The following SPAG16 variants were observed in gnomAD, a reference collection of about 807,000 sequenced individuals.
The protein encoded by SPAG16 is sperm associated antigen 16, also known as sperm-associated antigen 16 protein.
Under a neutral mutation model 80.4 loss-of-function variants are expected in SPAG16, and 86 were observed. The ratio of observed to expected loss-of-function variants is 1.07; its 90% CI spans 0.90 to 1.28. The LOEUF (loss-of-function observed/expected upper bound fraction) is 1.28. Ranked by LOEUF, SPAG16 falls within the 50% of genes most tolerant of loss-of-function variation. The probability of loss-of-function intolerance (pLI) is 0.00; values close to 1 mark genes in which losing one functional copy is unlikely to be tolerated. For missense variants in SPAG16, 870 were observed against 765.3 expected (o/e 1.14, Z -1.61); for synonymous variants, 294 against 265.9 (o/e 1.11, Z -1.03).
At chr2:213,457,879 A>AT (rs142694019) in intron 9 of SPAG16, among the ~76,000 whole-genome samples, 10,501 of 146,424 alleles carry the variant, frequency 0.072, 709 homozygotes, top group African/African-American at 0.18. Flanking sequence ...CTCTTCTTTT[A>AT]TTTTTTTTTT....
chr2:214,151,916 C>T (rs2055991929), intron 15 of SPAG16, among the ~76,000 whole-genome samples: 1 of 152,256 alleles, frequency 6.6e-6, no homozygotes. Flanking sequence ...TTATTAGATA[C>T]TTTAAGTGGC....
At chr2:213,627,232 G>A (rs936219725) in intron 10 of SPAG16, among the ~76,000 whole-genome samples, 2 of 152,154 alleles carry the variant, frequency 1.3e-5, no homozygotes, top group Non-Finnish European at 2.9e-5. Flanking sequence ...GATCCTGCAT[G>A]GCAGAGAGCG....
At position 213,398,428 on chromosome 2, in the gene SPAG16, C is replaced by G. The variant is rs1215807810; in HGVS notation, c.942+23309C>G. Among the ~76,000 whole-genome samples the G allele has an allele frequency of 3.3e-5, 5 of 152,190 alleles. No homozygotes were observed. In the East Asian group the frequency reaches 9.6e-4, roughly 29 times the overall value. On this transcript the variant is annotated intron_variant, in intron 9 of 15. Coordinates refer to ENST00000331683, the MANE Select transcript of SPAG16 (RefSeq NM_024532.5). Reference sequence around the variant, plus strand: ...CCCTTTTACCTCTCTGACATTATCTCCTGCTACCCTCCCATCTTTTGCTCA... The same window carrying G: ...CCCTTTTACCTCTCTGACATTATCTGCTGCTACCCTCCCATCTTTTGCTCA...
chr2:213,773,213 C>T lies in SPAG16; in HGVS notation c.1071-89272C>T, dbSNP rs144282817. Among the ~76,000 whole-genome samples the T allele has an allele frequency of 7.9e-5, 12 of 151,874 alleles. No homozygotes were observed. In the South Asian group the frequency reaches 8.3e-4, roughly 11 times the overall value. On this transcript the variant is annotated intron_variant, in intron 10 of 15. Coordinates refer to ENST00000331683, the MANE Select transcript of SPAG16 (RefSeq NM_024532.5). ...ATGTCTTAGTTTCAGGCAGTTTCTA[C>T]GGAATTCTGTTTTATAGATGAGATT... is the stretch of plus-strand genomic sequence containing the variant.
At chr2:213,613,100 A>G (rs1458370380) in intron 10 of SPAG16, among the ~76,000 whole-genome samples, 3 of 151,982 alleles carry the variant, frequency 2.0e-5, no homozygotes, top group South Asian at 2.1e-4. Context: ...ACTTCTCACC[A>G]TTTTCATTTT....
intron 15 of SPAG16, among the ~76,000 whole-genome samples, chr2:214,337,115 T>G (rs1481901686): frequency 1.3e-5 from 2 of 151,492 alleles, no homozygotes; most frequent in Non-Finnish European, 2.9e-5. Flanking sequence ...TAAGAAATCA[T>G]GGTGCCAATC....
chr2:213,436,805 T>C (rs1025733241), intron 9 of SPAG16, among the ~76,000 whole-genome samples: 3 of 152,220 alleles, frequency 2.0e-5, no homozygotes, highest in Non-Finnish European at 4.4e-5. Context: ...AACATTTGCA[T>C]TGGGTGTCAC....
At chr2:214,281,766 T>A (rs910409240) in intron 15 of SPAG16, among the ~76,000 whole-genome samples, 1 of 152,236 alleles carries the variant, frequency 6.6e-6, no homozygotes. Flanking sequence ...TTATATTCAA[T>A]AGTCAAAAAC....
intron 15 of SPAG16, among the ~76,000 whole-genome samples, chr2:214,196,775 T>A (rs2057852171): frequency 6.6e-6 from 1 of 152,094 alleles, no homozygotes; most frequent in Admixed American, 6.6e-5. Flanking sequence ...AATACTAATT[T>A]AGCTGAGCTA....
At chr2:213,343,459 T>C (rs1037182800) in intron 6 of SPAG16, among the ~76,000 whole-genome samples, 3 of 152,028 alleles carry the variant, frequency 2.0e-5, no homozygotes, top group African/African-American at 7.2e-5. Flanking sequence ...ATACAATAAA[T>C]AAATAAAGTT....
intron 10 of SPAG16, among the ~76,000 whole-genome samples, chr2:213,654,207 T>C (rs2063128371): frequency 6.6e-6 from 1 of 152,168 alleles, no homozygotes; most frequent in African/African-American, 2.4e-5. Flanking sequence ...TATCTTAAAT[T>C]ATTGAGAACA....
intron 11 of SPAG16, among the ~76,000 whole-genome samples, chr2:213,916,350 A>T (rs937535117): frequency 6.6e-6 from 1 of 152,098 alleles, no homozygotes; most frequent in African/African-American, 2.4e-5. Flanking sequence ...AGTTTTCCCA[A>T]CATCATTTAT....
intron 15 of SPAG16, among the ~76,000 whole-genome samples, chr2:214,271,956 A>G (rs1188196765): frequency 6.6e-6 from 1 of 151,956 alleles, no homozygotes; most frequent in Non-Finnish European, 1.5e-5. Context: ...AGTTTTAACT[A>G]TATATGTGAT....
At chr2:214,123,823 A>C (rs1161185342) in intron 14 of SPAG16, among the ~76,000 whole-genome samples, 3 of 152,048 alleles carry the variant, frequency 2.0e-5, no homozygotes, top group Non-Finnish European at 2.9e-5. Context: ...AAGTGGTGAC[A>C]ACATGGTCCC....
intron 15 of SPAG16, among the ~76,000 whole-genome samples, chr2:214,192,447 A>G (rs959475788): frequency 6.6e-6 from 1 of 152,104 alleles, no homozygotes; most frequent in Non-Finnish European, 1.5e-5. Flanking sequence ...TGTTTCTTCT[A>G]TGAAAGATTG....
chr2:213,439,805 C>T (rs1331092397), intron 9 of SPAG16, among the ~76,000 whole-genome samples: 3 of 152,110 alleles, frequency 2.0e-5, no homozygotes, highest in Non-Finnish European at 4.4e-5. Context: ...AGCAAAGTTA[C>T]TGGATACTAA....
chr2:213,753,191 T>G (rs770563643), intron 10 of SPAG16, among the ~76,000 whole-genome samples: 4 of 152,094 alleles, frequency 2.6e-5, no homozygotes, highest in Non-Finnish European at 5.9e-5. Context: ...TTTTTGTATT[T>G]TTAGTAGAGA....
chr2:214,036,351 C>T (rs915725405), intron 13 of SPAG16, among the ~76,000 whole-genome samples: 2 of 152,110 alleles, frequency 1.3e-5, no homozygotes, highest in East Asian at 3.9e-4. Context: ...CTGGAGTCAG[C>T]CATTTCTTCA....
rs747464664 is a variant in SPAG16 at position 213,930,161 on chromosome 2, A to G, written c.1400+16A>G. 4 of 1,605,372 alleles carry G rather than the reference A, an allele frequency of 2.5e-6. No homozygotes were observed. Among genetic ancestry groups the G allele is most frequent in the Non-Finnish European group, 3.4e-6 (4 of 1,173,960 alleles). ...ATGTTAATAGGTAAGAAGTACTTTA[A>G]ACATTACTAATCCTCTGTGCTGATA... On this transcript the variant is annotated intron_variant, in intron 12 of 15. Coordinates refer to ENST00000331683, the MANE Select transcript of SPAG16 (RefSeq NM_024532.5).
Sources: gnomAD v4.1 joint callset for allele counts (sites outside exome capture counted in the v4.1 genomes callset) on GRCh38, gnomAD v4.1.1 for gene constraint, MANE v1.5 for transcripts, NCBI Gene and HGNC (gene_info 2026-07-23, HGNC 2026-07-21) for gene names.